SPOP: variants seen among roughly 807,000 people sequenced by gnomAD.
The protein encoded by SPOP is speckle type BTB/POZ protein, also known as speckle-type POZ protein.
A neutral mutation model predicts 45.6 loss-of-function variants in SPOP; 11 were observed. That is an observed-to-expected ratio of 0.24 (90% CI 0.15 to 0.40). The LOEUF is 0.40. Ranked by LOEUF, SPOP falls within the 10% of genes least tolerant of loss-of-function variation. The pLI, the probability that SPOP is intolerant of heterozygous loss-of-function variation, is 1.00. For missense variants in SPOP, 152 were observed against 465.6 expected (o/e 0.33, Z 6.20); for synonymous variants, 166 against 166.3 (o/e 1.00, Z 0.01).
At chr17:49,622,551 G>T (rs917568194) in intron 2 of SPOP, 182 bp downstream of exon 2, 1 of 604,808 alleles carries the variant, frequency 1.7e-6, no homozygotes, top group Admixed American at 3.0e-5. Context: ...ACTAGCCTAG[G>T]GAATTTAGAT....
chr17:49,622,036 G>T lies in SPOP; in HGVS notation c.110C>A (p.Thr37Asn), dbSNP rs2072230355. ...CCGGCAAAAGCTAAAGTTATTGATG[G>T]TCCACATGTAGGAGAATTTCACTAC... The part of the protein sequence containing the change: ...IKVVKFSYMW[T>N]INNFSFCREE... The change falls in exon 3 of 10, where the codon ACC becomes AAC. Residue 37 changes from threonine to asparagine, a missense_variant. Physicochemically the swap from Thr to Asn is moderately conservative, Grantham distance 65. This residue lies in a region of SPOP where 28 missense variants were observed against 176.8 expected (regional missense o/e 0.16). Transcript: ENST00000504102. 6.2e-7 allele frequency: 1 copy of T among 1,613,778 alleles called. No individual in the cohort carries two copies. The highest frequency in any genetic ancestry group is 1.7e-5 in the Admixed American group (1 of 59,984).
Position 49,599,676 on chromosome 17 carries a change from A to ATG in SPOP, c.*701_*702insCA. ...TTTTTCCAGTTTTCAACACCAATAAAGATTTTTGCAAAAGCCACCACATCA... is the reference window on the plus strand; with the variant it reads ...TTTTTCCAGTTTTCAACACCAATAAATGGATTTTTGCAAAAGCCACCACATCA... On this transcript the variant is annotated 3_prime_UTR_variant, in exon 10 of 10. Coordinates refer to ENST00000504102, the MANE Select transcript of SPOP (RefSeq NM_001007228.2). 1 of 209,306 alleles carries ATG rather than the reference A, an allele frequency of 4.8e-6. No homozygotes were observed. Among genetic ancestry groups the ATG allele is most frequent in the African/African-American group, 2.3e-5 (1 of 44,118 alleles). The allele number at this position is 209,306 out of a possible 1,614,324, so 13.0% of individuals were successfully genotyped here.
At chr17:49,643,138 T>C (rs1485785029) in intron 1 of SPOP, among the ~76,000 whole-genome samples, 4 of 152,258 alleles carry the variant, frequency 2.6e-5, no homozygotes, top group African/African-American at 9.6e-5. Context: ...ATAGTTGATA[T>C]ATTCATGAGA....
rs1442274706 is a variant in SPOP at position 49,643,202 on chromosome 17, CA to C, written c.-66-20327del. Among the ~76,000 whole-genome samples the C allele has an allele frequency of 2.6e-5, 4 of 152,330 alleles. No homozygotes were observed. The South Asian group carries it at 6.2e-4, about 24-fold the overall frequency. On this transcript the variant is annotated intron_variant, in intron 1 of 9. Coordinates refer to ENST00000504102, the MANE Select transcript of SPOP (RefSeq NM_001007228.2). ...AAAGGAAGTCCTACTCAAACGCTTG[CA>C]GCAGGCAGAGTGTGTTATTAGAGAA...
intron 1 of SPOP, among the ~76,000 whole-genome samples, chr17:49,642,800 T>C (rs536287615): frequency 6.6e-6 from 1 of 152,306 alleles, no homozygotes; most frequent in Admixed American, 6.5e-5. Flanking sequence ...CCAATCAAAC[T>C]TGGTGACTAT....
intron 1 of SPOP, among the ~76,000 whole-genome samples, chr17:49,635,632 CTTTTTTTTTTT>C (rs11451249): frequency 8.2e-6 from 1 of 121,654 alleles, no homozygotes; most frequent in Non-Finnish European, 1.7e-5. Flanking sequence ...AGGTATCTCT[CTTTTTTTTTTT>C]TTTTTTTTTG....
At chr17:49,639,670 A>G (rs145159624) in intron 1 of SPOP, among the ~76,000 whole-genome samples, 1 of 152,368 alleles carries the variant, frequency 6.6e-6, no homozygotes, top group East Asian at 1.9e-4. Context: ...CAATTTATAC[A>G]AAGTTTAAAA....
At chr17:49,670,639 G>T (rs1019666323) in intron 1 of SPOP, among the ~76,000 whole-genome samples, 1 of 152,176 alleles carries the variant, frequency 6.6e-6, no homozygotes, top group East Asian at 1.9e-4. Flanking sequence ...CAGTTCTGCT[G>T]TATCTTTCAT....
intron 1 of SPOP, among the ~76,000 whole-genome samples, chr17:49,630,977 G>C (rs1347284109): frequency 6.6e-6 from 1 of 152,190 alleles, no homozygotes; most frequent in African/African-American, 2.4e-5. Context: ...TTCACCCACT[G>C]AATTGGCAAA....
chr17:49,630,017 CAGAGAA>C, intron 1 of SPOP, among the ~76,000 whole-genome samples: 1 of 152,190 alleles, frequency 6.6e-6, no homozygotes, highest in East Asian at 1.9e-4. Flanking sequence ...GGGAACAGAC[CAGAGAA>C]TGGTCTGTTA....
chr17:49,677,385 C>T (rs1469843757), intron 1 of SPOP, among the ~76,000 whole-genome samples: 1 of 152,232 alleles, frequency 6.6e-6, no homozygotes, highest in Non-Finnish European at 1.5e-5. Context: ...GTCTCTAGGG[C>T]AACACCAGAT....
At chr17:49,616,063 G>C (rs999760901) in intron 5 of SPOP, among the ~76,000 whole-genome samples, 1 of 152,190 alleles carries the variant, frequency 6.6e-6, no homozygotes, top group African/African-American at 2.4e-5. Flanking sequence ...AACTGAAAGT[G>C]ATCTCAGTGT....
chr17:49,600,486 C>T lies in SPOP; in HGVS notation c.1017G>A (p.Lys339=), dbSNP rs2143099303. 6.2e-7 allele frequency: 1 copy of T among 1,614,150 alleles called. No individual in the cohort carries two copies. ...ASDVLETSGW[K]SMVVSHPHLV... ...AGTGGGGATGTGACACCACCATTGACTTCCACCCAGAGGTCTCCAAGACAT... is the reference window on the plus strand; with the variant it reads ...AGTGGGGATGTGACACCACCATTGATTTCCACCCAGAGGTCTCCAAGACAT... The change falls in exon 10 of 10, where the codon AAG becomes AAA. Residue 339 remains lysine, a synonymous_variant. Transcript: ENST00000504102. The surrounding 1 kb of genome is among the most constrained non-coding windows in gnomAD (Gnocchi z 4.2).
At chr17:49,637,542 GA>G (rs2072564755) in intron 1 of SPOP, among the ~76,000 whole-genome samples, 1 of 152,122 alleles carries the variant, frequency 6.6e-6, no homozygotes, top group Non-Finnish European at 1.5e-5. Flanking sequence ...ATAGAGACGG[GA>G]TTTTGTCATG....
chr17:49,658,947 A>G (rs1249408572), intron 1 of SPOP, among the ~76,000 whole-genome samples: 1 of 152,202 alleles, frequency 6.6e-6, no homozygotes, highest in Non-Finnish European at 1.5e-5. Context: ...AATTTTTCTC[A>G]GCCCTCTTAT....
rs181882276 is a variant in SPOP at position 49,607,521 on chromosome 17, T to A, written c.715-149A>T. ...TGGAAAATTTCTTTGCCCGGCTTGA[T>A]TATAATAGCCTTTTCGTCCATCACA... is the stretch of plus-strand genomic sequence containing the variant. On this transcript the variant is annotated intron_variant, in intron 7 of 9. Coordinates refer to ENST00000504102, the MANE Select transcript of SPOP (RefSeq NM_001007228.2). 2.6e-4 allele frequency: 268 copies of A among 1,034,900 alleles called. 3 individuals carry two copies. In the African/African-American group the frequency reaches 3.8e-3, roughly 15 times the overall value. 64.1% of individuals were successfully genotyped at this position (1,034,900 alleles called of 1,614,324 possible). A position where few individuals can be genotyped will look rare whatever the true frequency, so the allele number is the denominator to read the frequency against.
chr17:49,647,204 A>AG (rs1456845299), intron 1 of SPOP, among the ~76,000 whole-genome samples: 1 of 146,758 alleles, frequency 6.8e-6, no homozygotes, highest in Non-Finnish European at 1.5e-5. Flanking sequence ...GCTGAGCGGG[A>AG]GGCTGAGGCT....
chr17:49,661,848 T>C (rs2072991718), intron 1 of SPOP, among the ~76,000 whole-genome samples: 1 of 151,910 alleles, frequency 6.6e-6, no homozygotes, highest in African/African-American at 2.4e-5. Flanking sequence ...ACCCCGCCTC[T>C]ACTAAAAGTA....
intron 1 of SPOP, among the ~76,000 whole-genome samples, chr17:49,665,340 C>G (rs892155689): frequency 2.0e-5 from 3 of 152,008 alleles, no homozygotes; most frequent in African/African-American, 7.2e-5. Context: ...TGGGGCCCGG[C>G]GCAGTGGCAC....
Sources: gnomAD v4.1 joint callset for allele counts (sites outside exome capture counted in the v4.1 genomes callset) on GRCh38, gnomAD v4.1.1 for gene constraint, gnomAD v4.1.1 regional missense constraint, Gnocchi (gnomAD v3.1) non-coding constraint, MANE v1.5 for transcripts, NCBI Gene and HGNC (gene_info 2026-07-23, HGNC 2026-07-21) for gene names.